Variants in ARFGEF3 observed in about 807,000 individuals in gnomAD.
ARFGEF3 encodes brefeldin A-inhibited guanine nucleotide-exchange protein 3.
A neutral mutation model predicts 221.7 loss-of-function variants in ARFGEF3; 96 were observed. The ratio of observed to expected loss-of-function variants is 0.43; its 90% CI spans 0.37 to 0.51. ARFGEF3 has a LOEUF of 0.51. Ranked by LOEUF, ARFGEF3 falls within the 20% of genes least tolerant of loss-of-function variation. The probability of loss-of-function intolerance (pLI) is 0.00; values close to 1 mark genes in which losing one functional copy is unlikely to be tolerated. For synonymous variants in ARFGEF3, 1,145 were observed against 1,126.8 expected (o/e 1.02, Z -0.32); for missense variants, 2,410 against 2,789.9 (o/e 0.86, Z 3.07).
chr6:138,207,950 T>C (rs957581740), intron 3 of ARFGEF3, among the ~76,000 whole-genome samples: 65 of 152,304 alleles, frequency 4.3e-4, no homozygotes, highest in African/African-American at 1.6e-3. Flanking sequence ...CCCCAGCAGA[T>C]TGGAATTAAT....
intron 3 of ARFGEF3, among the ~76,000 whole-genome samples, chr6:138,209,627 T>C (rs1350528260): frequency 6.6e-6 from 1 of 152,090 alleles, no homozygotes; most frequent in Non-Finnish European, 1.5e-5. Flanking sequence ...TTTTTGTGTT[T>C]TTAGTAGAAA....
At chr6:138,287,501 G>GTGCA (rs1315304265) in intron 17 of ARFGEF3, among the ~76,000 whole-genome samples, 1 of 152,228 alleles carries the variant, frequency 6.6e-6, no homozygotes, top group East Asian at 1.9e-4. Flanking sequence ...CTTCACACAA[G>GTGCA]TGCACACTTG....
intron 25 of ARFGEF3, among the ~76,000 whole-genome samples, chr6:138,313,557 C>A (rs1314260277): frequency 6.6e-6 from 1 of 152,158 alleles, no homozygotes; most frequent in Admixed American, 6.5e-5. Context: ...GAACAATTAT[C>A]CATAGGATCC....
intron 29 of ARFGEF3, among the ~76,000 whole-genome samples, chr6:138,322,851 C>G (rs1173409996): frequency 1.3e-5 from 2 of 148,306 alleles, no homozygotes; most frequent in African/African-American, 5.0e-5. Flanking sequence ...ATAGAGGGAA[C>G]TGGAGGTTAT....
chr6:138,212,484 G>T (rs1777748801), intron 4 of ARFGEF3, among the ~76,000 whole-genome samples: 1 of 152,216 alleles, frequency 6.6e-6, no homozygotes, highest in Non-Finnish European at 1.5e-5. Context: ...CCTAGAACCA[G>T]AAATACCATT....
intron 2 of ARFGEF3, among the ~76,000 whole-genome samples, chr6:138,205,895 A>T (rs553286829): frequency 6.6e-6 from 1 of 152,332 alleles, no homozygotes; most frequent in East Asian, 1.9e-4. Flanking sequence ...GAAGCTGCTG[A>T]TGGAAGGATT....
intron 6 of ARFGEF3, among the ~76,000 whole-genome samples, chr6:138,238,883 ATT>A (rs1382826958): frequency 1.3e-5 from 2 of 152,124 alleles, no homozygotes; most frequent in Admixed American, 6.5e-5. Flanking sequence ...TTTTTTAATC[ATT>A]GTTTTAAAAC....
chr6:138,180,416 T>C (rs146534349), intron 2 of ARFGEF3, among the ~76,000 whole-genome samples: 33 of 152,356 alleles, frequency 2.2e-4, no homozygotes, highest in African/African-American at 7.5e-4. Flanking sequence ...CACATTATTC[T>C]AGGTAGATTA....
intron 3 of ARFGEF3, 105 bp from the exon 4 acceptor site, chr6:138,209,805 C>T (rs1165103510): frequency 3.3e-5 from 47 of 1,406,192 alleles, no homozygotes; most frequent in Admixed American, 2.0e-4. Flanking sequence ...TCCAGCTACA[C>T]GCCTCCCCAG....
Position 138,255,728 on chromosome 6 carries a change from C to A in ARFGEF3, c.1063C>A (p.Pro355Thr). The A allele has an allele frequency of 6.2e-7, 1 of 1,602,200 alleles. No individual in the cohort carries two copies. The highest frequency in any genetic ancestry group is 2.2e-5 in the East Asian group (1 of 44,506). The change falls in exon 10 of 34, where the codon CCA (proline) becomes ACA (threonine). Residue 355 changes from proline (P) to threonine (T), a missense_variant. Pro to Thr is a conservative substitution (Grantham distance 38). Transcript: ENST00000251691. ...SLYHRVLLYP[P>T]PQHRVEAIKI... is the part of the protein sequence containing the mutation. The stretch of plus-strand genomic sequence containing the variant: ...CTACCACCGAGTGCTGCTCTACCCC[C>A]CACCCCAGCACCGGGTGGAAGCCAT...
At chr6:138,210,867 C>T (rs149162814) in intron 4 of ARFGEF3, among the ~76,000 whole-genome samples, 95 of 152,324 alleles carry the variant, frequency 6.2e-4, no homozygotes, top group African/African-American at 2.2e-3. Context: ...TAAGAGACTA[C>T]ACTTCTCCTG....
intron 2 of ARFGEF3, among the ~76,000 whole-genome samples, chr6:138,203,937 G>A (rs917960438): frequency 6.6e-5 from 10 of 151,818 alleles, no homozygotes; most frequent in African/African-American, 1.7e-4. Context: ...CACCATACCC[G>A]GCCAATGCAT....
intron 12 of ARFGEF3, among the ~76,000 whole-genome samples, chr6:138,268,811 A>C (rs1778942311): frequency 6.6e-6 from 1 of 152,174 alleles, no homozygotes. Flanking sequence ...ACTTTGACCA[A>C]ATGTAAGGTT....
chr6:138,191,063 C>T (rs909346404), intron 2 of ARFGEF3, among the ~76,000 whole-genome samples: 8 of 152,192 alleles, frequency 5.3e-5, no homozygotes, highest in African/African-American at 1.9e-4. Flanking sequence ...TGCCCCAATT[C>T]CTGTGAGGAT....
At chr6:138,185,090 G>A (rs1035404518) in intron 2 of ARFGEF3, among the ~76,000 whole-genome samples, 4 of 152,178 alleles carry the variant, frequency 2.6e-5, no homozygotes, top group Non-Finnish European at 5.9e-5. Context: ...TCAGCCCTGT[G>A]CTTCCAAGGA....
Position 138,238,649 on chromosome 6 carries a change from C to T in ARFGEF3, c.543+18C>T, listed in dbSNP as rs1778339436. 6.2e-7 allele frequency: 1 copy of T among 1,611,186 alleles called. No homozygotes were observed. The highest frequency in any genetic ancestry group is 1.3e-5 in the African/African-American group (1 of 74,964). ...AGAATACGGTGAGTCTGTGACACCC[C>T]CATGTTCATCACCTTCCTGGTGGTG... On this transcript the variant is annotated intron_variant, in intron 6 of 33. Coordinates refer to ENST00000251691, the MANE Select transcript of ARFGEF3 (RefSeq NM_020340.5).
At chr6:138,239,388 C>A (rs971266607) in intron 6 of ARFGEF3, among the ~76,000 whole-genome samples, 1 of 152,024 alleles carries the variant, frequency 6.6e-6, no homozygotes, top group Non-Finnish European at 1.5e-5. Flanking sequence ...TGGCTCACAC[C>A]TGTAATCTCA....
At chr6:138,307,932 G>A (rs893043334) in intron 23 of ARFGEF3, among the ~76,000 whole-genome samples, 1 of 152,186 alleles carries the variant, frequency 6.6e-6, no homozygotes, top group Non-Finnish European at 1.5e-5. Flanking sequence ...TTTTAGCAAC[G>A]TAGGAAGGAC....
rs1328190295 is a variant in ARFGEF3, at chr6:138,263,294, C to T, written c.1811C>T (p.Ser604Phe). The change falls in exon 12 of 34, where the codon TCT (serine) becomes TTT (phenylalanine). Residue 604 changes from serine (S) to phenylalanine (F), a missense_variant. Ser to Phe is a radical substitution (Grantham distance 155, BLOSUM62 -2). Transcript: ENST00000251691. ...TTTAGCGTTGATGACCAAGACCTTT[C>T]TAGGACAGAGTTTGATTCCTGTGAT... ...SNFSVDDQDL[S>F]RTEFDSCDQY... The T allele has an allele frequency of 6.2e-6, 10 of 1,613,874 alleles. No individual in the cohort carries two copies. The highest frequency in any genetic ancestry group is 1.3e-5 in the African/African-American group (1 of 74,912).
Sources: gnomAD v4.1 joint callset for allele counts (sites outside exome capture counted in the v4.1 genomes callset) on GRCh38, gnomAD v4.1.1 for gene constraint, MANE v1.5 for transcripts, NCBI Gene and HGNC (gene_info 2026-07-23, HGNC 2026-07-21) for gene names.